CTNND2: variants seen among roughly 807,000 people sequenced by gnomAD.
CTNND2 encodes catenin delta-2.
A neutral mutation model predicts 144.4 loss-of-function variants in CTNND2; 22 were observed. The observed-to-expected ratio is 0.15, with a 90% CI of 0.11 to 0.22. The LOEUF (loss-of-function observed/expected upper bound fraction) is 0.22, where lower values mean the gene tolerates loss of function less well. Among genes scored for constraint, CTNND2 ranks in the 10% least tolerant of loss-of-function variants. CTNND2 has a pLI of 1.00. For missense variants in CTNND2, 1,353 were observed against 1,618.8 expected (o/e 0.84, Z 2.82); for synonymous variants, 751 against 695.6 (o/e 1.08, Z -1.25).
At chr5:11,115,149 C>A (rs968007821) in intron 13 of CTNND2, among the ~76,000 whole-genome samples, 1 of 152,222 alleles carries the variant, frequency 6.6e-6, no homozygotes, top group Admixed American at 6.5e-5. Context: ...CCTGAATACT[C>A]CCAATTATTT....
intron 2 of CTNND2, among the ~76,000 whole-genome samples, chr5:11,591,799 C>G (rs143357643): frequency 1.3e-5 from 2 of 151,954 alleles, no homozygotes; most frequent in South Asian, 2.1e-4. Flanking sequence ...TTGTTTCTTA[C>G]TTTTTATGGA....
intron 1 of CTNND2, among the ~76,000 whole-genome samples, chr5:11,763,597 A>G (rs774696934): frequency 6.6e-6 from 1 of 152,232 alleles, no homozygotes; most frequent in East Asian, 1.9e-4. Flanking sequence ...AAGAGCTTCC[A>G]AAGTAAGTAA....
intron 9 of CTNND2, among the ~76,000 whole-genome samples, chr5:11,298,657 T>C (rs1217579941): frequency 6.6e-6 from 1 of 152,244 alleles, no homozygotes; most frequent in African/African-American, 2.4e-5. Flanking sequence ...TTCTGATGAC[T>C]GCATCTACAA....
intron 11 of CTNND2, among the ~76,000 whole-genome samples, chr5:11,182,481 T>C (rs185424088): frequency 6.6e-6 from 1 of 152,036 alleles, no homozygotes. Context: ...TAAATTTGCC[T>C]CAACTTCAAC....
intron 15 of CTNND2, among the ~76,000 whole-genome samples, chr5:11,085,620 G>A (rs754610074): frequency 6.6e-5 from 10 of 152,202 alleles, no homozygotes; most frequent in Non-Finnish European, 1.2e-4. Flanking sequence ...TAAGGCTAGA[G>A]GGCACAGATC....
intron 1 of CTNND2, among the ~76,000 whole-genome samples, chr5:11,735,813 T>C (rs1787651433): frequency 6.6e-6 from 1 of 152,152 alleles, no homozygotes; most frequent in African/African-American, 2.4e-5. Flanking sequence ...GAACTGTGAG[T>C]CCATGAAAAC....
intron 16 of CTNND2, among the ~76,000 whole-genome samples, chr5:11,067,675 A>C (rs1236711410): frequency 6.6e-6 from 1 of 152,190 alleles, no homozygotes; most frequent in Non-Finnish European, 1.5e-5. Flanking sequence ...TCATTGAAGA[A>C]TTGAGAGACT....
chr5:11,616,617 CT>C (rs35888208), intron 2 of CTNND2, among the ~76,000 whole-genome samples: 3,755 of 143,052 alleles, frequency 0.026, 58 homozygotes, highest in Non-Finnish European at 0.038. Context: ...TTCCTTCCTT[CT>C]TTTTTTTTTG....
At chr5:11,046,235 C>T (rs1262555429) in intron 16 of CTNND2, among the ~76,000 whole-genome samples, 1 of 152,064 alleles carries the variant, frequency 6.6e-6, no homozygotes, top group Non-Finnish European at 1.5e-5. Context: ...TGACAGAGAT[C>T]CTTACAGAAA....
chr5:11,774,368 G>A (rs867274426), intron 1 of CTNND2, among the ~76,000 whole-genome samples: 7 of 137,614 alleles, frequency 5.1e-5, no homozygotes, highest in South Asian at 2.4e-4. Flanking sequence ...CATGGACACA[G>A]GAAGGGGAAT....
chr5:11,760,324 G>A (rs987607625), intron 1 of CTNND2, among the ~76,000 whole-genome samples: 4 of 152,046 alleles, frequency 2.6e-5, no homozygotes, highest in African/African-American at 9.7e-5. Context: ...CTACTCCACA[G>A]GAGCCTGGGA....
chr5:11,416,838 C>T (rs1417082297), intron 3 of CTNND2, among the ~76,000 whole-genome samples: 1 of 152,074 alleles, frequency 6.6e-6, no homozygotes, highest in African/African-American at 2.4e-5. Flanking sequence ...ATAGAAATCA[C>T]CTCTAAAGAA....
At chr5:11,140,104 T>A (rs1756576204) in intron 12 of CTNND2, among the ~76,000 whole-genome samples, 1 of 152,230 alleles carries the variant, frequency 6.6e-6, no homozygotes, top group Non-Finnish European at 1.5e-5. Context: ...ACCTTAATTT[T>A]CCCTTGCCAT....
At chr5:11,673,558 G>C (rs1784017840) in intron 2 of CTNND2, among the ~76,000 whole-genome samples, 1 of 152,108 alleles carries the variant, frequency 6.6e-6, no homozygotes, top group Non-Finnish European at 1.5e-5. Context: ...TTTACATATG[G>C]AAATTCAGTC....
At chr5:11,185,701 C>G (rs983532279) in intron 11 of CTNND2, among the ~76,000 whole-genome samples, 2 of 152,090 alleles carry the variant, frequency 1.3e-5, no homozygotes, top group Admixed American at 6.5e-5. Context: ...AACGGATAAC[C>G]AAAAAGGAAG....
In CTNND2 at chr5:11,850,786, G is replaced by A. The variant is rs572756093; in HGVS notation, c.37+53031C>T. On this transcript the variant is annotated intron_variant, in intron 1 of 21. Transcript: ENST00000304623. The stretch of plus-strand genomic sequence containing the variant: ...TCCAATATAAACTTCCCTGTAGCTC[G>A]AACATACTATTAATTTATACAGTAA... 3.9e-5 allele frequency among the ~76,000 whole-genome samples: 6 copies of A among 152,158 alleles called. No homozygotes were observed. In the South Asian group the frequency reaches 6.2e-4, roughly 16 times the overall value.
At chr5:11,675,991 T>C (rs1784153307) in intron 2 of CTNND2, among the ~76,000 whole-genome samples, 1 of 151,902 alleles carries the variant, frequency 6.6e-6, no homozygotes, top group South Asian at 2.1e-4. Context: ...TGAGCTCTGA[T>C]AAGGGACAGA....
At chr5:11,056,340 T>C (rs574227925) in intron 16 of CTNND2, among the ~76,000 whole-genome samples, 31 of 152,294 alleles carry the variant, frequency 2.0e-4, no homozygotes, top group Non-Finnish European at 3.8e-4. Flanking sequence ...AAAAATGAGA[T>C]GTAGAAAACA....
At chr5:11,892,954 G>A (rs1337174524) in intron 1 of CTNND2, among the ~76,000 whole-genome samples, 1 of 152,102 alleles carries the variant, frequency 6.6e-6, no homozygotes, top group Non-Finnish European at 1.5e-5. Context: ...AAATTCTACG[G>A]AATAACTTTG....
Sources: allele counts gnomAD v4.1 joint callset (sites outside exome capture counted in the v4.1 genomes callset), GRCh38; gene constraint gnomAD v4.1.1; transcripts MANE v1.5; gene names NCBI Gene and HGNC (gene_info 2026-07-23, HGNC 2026-07-21).